Variants in ZNF79 observed in about 807,000 individuals in gnomAD.
ZNF79 encodes the protein zinc finger protein 79, also known as ZNFpT7.
A neutral mutation model predicts 14.9 loss-of-function variants in ZNF79; 13 were observed. That is an observed-to-expected ratio of 0.87 (90% CI 0.57 to 1.38). The LOEUF is 1.38. Ranked by LOEUF, ZNF79 falls within the 40% of genes most tolerant of loss-of-function variation. The pLI is 0.00. For synonymous variants in ZNF79, 223 were observed against 235.1 expected, an observed-to-expected ratio of 0.95 and a Z score of 0.47; for missense variants, 631 against 630.6, an observed-to-expected ratio of 1.00 and a Z score of -0.01.
chr9:127,426,658 T>G (rs971450729), intron 1 of ZNF79, among the ~76,000 whole-genome samples: 2 of 152,208 alleles, frequency 1.3e-5, no homozygotes, highest in African/African-American at 2.4e-5. Flanking sequence ...GCTTAGCACA[T>G]CATTTTCAGG....
chr9:127,441,204 G>A (rs1376802136), intron 4 of ZNF79, among the ~76,000 whole-genome samples: 2 of 152,120 alleles, frequency 1.3e-5, no homozygotes, highest in Non-Finnish European at 2.9e-5. Flanking sequence ...TGTGCTCTTG[G>A]TGGACTGGGG....
intron 4 of ZNF79, among the ~76,000 whole-genome samples, chr9:127,443,822 A>C (rs1834093707): frequency 6.7e-6 from 1 of 148,328 alleles, no homozygotes. Flanking sequence ...AATGGCGTGA[A>C]CCCAGGAGGC....
chr9:127,426,847 CTT>C (rs1833764430), intron 1 of ZNF79, among the ~76,000 whole-genome samples: 2 of 152,200 alleles, frequency 1.3e-5, no homozygotes, highest in African/African-American at 4.8e-5. Context: ...ATACAACCCT[CTT>C]TGACTTTCAC....
At chr9:127,429,216 A>G (rs951779441) in intron 2 of ZNF79, among the ~76,000 whole-genome samples, 1 of 151,912 alleles carries the variant, frequency 6.6e-6, no homozygotes, top group Non-Finnish European at 1.5e-5. Context: ...GGGTTTCACC[A>G]TGTTGGCCAG....
chr9:127,442,541 G>A (rs1834068064), intron 4 of ZNF79, among the ~76,000 whole-genome samples: 1 of 152,174 alleles, frequency 6.6e-6, no homozygotes, highest in Admixed American at 6.5e-5. Context: ...TGGATGTGAA[G>A]GCCGAGGGCA....
At position 127,444,593 on chromosome 9, in the gene ZNF79, T is replaced by C. The variant is rs1236323256; in HGVS notation, c.893T>C (p.Ile298Thr). ...TCAGCTCTTGTTCAGCATCAGAGAA[T>C]TCATACCGGAGAGAAGCCCTACGAA... ...DCSALVQHQR[I>T]HTGEKPYECS... The change falls in exon 5 of 5, where the codon ATT becomes ACT. Residue 298 changes from isoleucine (I) to threonine (T), a missense_variant. Coordinates refer to ENST00000342483, the MANE Select transcript of ZNF79 (RefSeq NM_007135.3). 1.2e-6 allele frequency: 2 copies of C among 1,612,714 alleles called. No homozygotes were observed. The highest frequency in any genetic ancestry group is 2.2e-5 in the South Asian group (2 of 91,002).
In ZNF79 at chr9:127,435,130, A is replaced by G. The variant is rs1833923798; in HGVS notation, c.146A>G (p.Gln49Arg). 1 of 1,612,978 alleles carries G rather than the reference A, an allele frequency of 6.2e-7. No individual in the cohort carries two copies. ...FFSSVTVAFA[Q>R]ERWRCLVSTP... ...AGCAGTGTGACGGTAGCTTTTGCAC[A>G]GGAAAGGTGGAGGTGCCTCGTGTCT... Residue 49 changes from glutamine (Q) to arginine (R), a missense_variant, in exon 3 of 5, where the codon CAG becomes CGG. Physicochemically the swap from Gln to Arg is conservative, Grantham distance 43. Coordinates refer to ENST00000342483, the MANE Select transcript of ZNF79 (RefSeq NM_007135.3).
intron 4 of ZNF79, among the ~76,000 whole-genome samples, chr9:127,439,322 T>C (rs1834009209): frequency 6.6e-6 from 1 of 152,172 alleles, no homozygotes; most frequent in South Asian, 2.1e-4. Flanking sequence ...CTGAATTATG[T>C]AGTCATGTTT....
intron 4 of ZNF79, among the ~76,000 whole-genome samples, chr9:127,438,497 C>T (rs1445363738): frequency 6.6e-6 from 1 of 152,170 alleles, no homozygotes; most frequent in East Asian, 1.9e-4. Flanking sequence ...CTAAACCCTG[C>T]CCTCCTGGGC....
chr9:127,443,445 TG>T (rs1176209838), intron 4 of ZNF79, among the ~76,000 whole-genome samples: 2 of 151,954 alleles, frequency 1.3e-5, no homozygotes, highest in Admixed American at 6.6e-5. Context: ...ATATATAATC[TG>T]GTAACATAGT....
chr9:127,428,204 C>T (rs1833795887), intron 1 of ZNF79, among the ~76,000 whole-genome samples: 1 of 152,122 alleles, frequency 6.6e-6, no homozygotes, highest in Admixed American at 6.6e-5. Context: ...TGGTCTCGAA[C>T]TCCTGGGCTC....
intron 2 of ZNF79, among the ~76,000 whole-genome samples, chr9:127,432,169 T>G (rs1833871649): frequency 1.3e-5 from 2 of 150,622 alleles, no homozygotes; most frequent in East Asian, 1.9e-4. Flanking sequence ...TTTTTTTTTT[T>G]GATGGAGTCT....
Position 127,444,295 on chromosome 9 carries a change from G to C in ZNF79, c.595G>C (p.Gly199Arg). 2 of 1,614,194 alleles carry C rather than the reference G, an allele frequency of 1.2e-6. No individual in the cohort carries two copies. Among genetic ancestry groups the C allele is most frequent in the Non-Finnish European group, 1.7e-6 (2 of 1,180,048 alleles). The change falls in exon 5 of 5, where the codon GGC (glycine) becomes CGC (arginine). Residue 199 changes from glycine (G) to arginine (R), a missense_variant. By Grantham distance (125) the Gly-to-Arg change is moderately radical (BLOSUM62 -2). Coordinates refer to ENST00000342483, the MANE Select transcript of ZNF79 (RefSeq NM_007135.3). The stretch of plus-strand genomic sequence containing the variant: ...AAAACCATATGCATGTAATGAATGT[G>C]GCAAAGCCTTCAGTTACTGTTCTTC... ...RAKPYACNEC[G>R]KAFSYCSSLS...
At chr9:127,437,908 T>C (rs1159126266) in intron 4 of ZNF79, among the ~76,000 whole-genome samples, 1 of 152,048 alleles carries the variant, frequency 6.6e-6, no homozygotes, top group Admixed American at 6.6e-5. Flanking sequence ...GTTGACATGA[T>C]GTGGGGGCAC....
intron 2 of ZNF79, among the ~76,000 whole-genome samples, chr9:127,434,850 T>G (rs1261838586): frequency 6.6e-6 from 1 of 152,194 alleles, no homozygotes; most frequent in Non-Finnish European, 1.5e-5. Context: ...GGTTTTGCCG[T>G]GTTGGCCAGG....
At chr9:127,439,338 T>C (rs955955455) in intron 4 of ZNF79, among the ~76,000 whole-genome samples, 10 of 152,210 alleles carry the variant, frequency 6.6e-5, no homozygotes, top group Non-Finnish European at 1.3e-4. Context: ...TGTTTCCATA[T>C]ATGAAAAATG....
At chr9:127,429,487 ATTTT>A (rs10718320) in intron 2 of ZNF79, among the ~76,000 whole-genome samples, 1 of 141,140 alleles carries the variant, frequency 7.1e-6, no homozygotes, top group East Asian at 2.1e-4. Flanking sequence ...TGCCTAGCTA[ATTTT>A]TTTTTTTTTT....
In ZNF79 at chr9:127,435,095, C is replaced by G. The variant is rs371833572; in HGVS notation, c.111C>G (p.Ser37=). 4.4e-6 allele frequency: 7 copies of G among 1,607,344 alleles called. No individual in the cohort carries two copies. The African/African-American group carries it at 9.4e-5, about 22-fold the overall frequency. Residue 37 remains serine (S), a synonymous_variant, in exon 3 of 5, where the codon TCC becomes TCG. Transcript: ENST00000342483. The part of the protein sequence containing the change: ...AGLLTAGPRG[S]TFFSSVTVAF... Reference sequence around the variant, plus strand: ...AAATGTGCTTGTTTTTTCAGGGATCCACATTCTTCAGCAGTGTGACGGTAG... The same window carrying G: ...AAATGTGCTTGTTTTTTCAGGGATCGACATTCTTCAGCAGTGTGACGGTAG...
chr9:127,428,783 G>A, intron 1 of ZNF79, 49 bp from the exon 2 acceptor site: 1 of 1,454,100 alleles, frequency 6.9e-7, no homozygotes, highest in Non-Finnish European at 9.2e-7. Flanking sequence ...GAGAACTGGT[G>A]ACTTCATAAA....
Sources: allele counts gnomAD v4.1 joint callset (sites outside exome capture counted in the v4.1 genomes callset), GRCh38; gene constraint gnomAD v4.1.1; transcripts MANE v1.5; gene names NCBI Gene and HGNC (gene_info 2026-07-23, HGNC 2026-07-21).